Variants in SNTG2 observed in about 807,000 individuals in gnomAD.
SNTG2 encodes gamma-2-syntrophin.
SNTG2 carries 74 observed loss-of-function variants against 70.9 expected under a neutral mutation model. That is an observed-to-expected ratio of 1.04 (90% CI 0.86 to 1.27). The LOEUF is 1.27. Among genes scored for constraint, SNTG2 ranks in the 50% most tolerant of loss-of-function variants. The probability of loss-of-function intolerance (pLI) is 0.00; values close to 1 mark genes in which losing one functional copy is unlikely to be tolerated. For missense variants in SNTG2, 717 were observed against 690.7 expected, an observed-to-expected ratio of 1.04 and a Z score of -0.43; for synonymous variants, 278 against 273.8, an observed-to-expected ratio of 1.02 and a Z score of -0.15.
chr2:1,046,866 A>C (rs1349572276), intron 1 of SNTG2, among the ~76,000 whole-genome samples: 1 of 152,102 alleles, frequency 6.6e-6, no homozygotes, highest in Non-Finnish European at 1.5e-5. Context: ...AGTACCTCTC[A>C]GGGGTCCTCT....
At chr2:968,261 TG>T (rs947749392) in intron 1 of SNTG2, among the ~76,000 whole-genome samples, 5 of 152,210 alleles carry the variant, frequency 3.3e-5, no homozygotes, top group African/African-American at 1.2e-4. Context: ...TGAAATCCTT[TG>T]ATAAAAAGTT....
intron 1 of SNTG2, among the ~76,000 whole-genome samples, chr2:977,007 A>G (rs1231755973): frequency 3.3e-5 from 5 of 152,190 alleles, no homozygotes; most frequent in African/African-American, 1.2e-4. Context: ...TGGAGGTGGC[A>G]GCCCCACCTG....
chr2:1,054,602 C>T (rs1662275678), intron 1 of SNTG2, among the ~76,000 whole-genome samples: 1 of 152,152 alleles, frequency 6.6e-6, no homozygotes, highest in South Asian at 2.1e-4. Context: ...ACAGAGCCGC[C>T]TTGGTGATTC....
chr2:1,229,926 C>A (rs1676087967), intron 9 of SNTG2, among the ~76,000 whole-genome samples: 1 of 152,232 alleles, frequency 6.6e-6, no homozygotes, highest in African/African-American at 2.4e-5. Flanking sequence ...CCCGGAACTC[C>A]AGCTGGCCCG....
At chr2:1,159,776 A>T (rs563126702) in intron 6 of SNTG2, among the ~76,000 whole-genome samples, 2 of 152,322 alleles carry the variant, frequency 1.3e-5, no homozygotes, top group South Asian at 2.1e-4. Flanking sequence ...GTCAGAGAAA[A>T]TAATACTAAA....
chr2:1,262,817 A>G (rs1678513919), intron 13 of SNTG2: 1 of 151,168 alleles, frequency 6.6e-6, no homozygotes. Context: ...AGACGACGAA[A>G]CCCGAAGGCT....
At chr2:1,323,287 G>T (rs892826964) in intron 16 of SNTG2, among the ~76,000 whole-genome samples, 7 of 152,250 alleles carry the variant, frequency 4.6e-5, no homozygotes, top group African/African-American at 1.7e-4. Flanking sequence ...ATTGCAACAA[G>T]AAGTAGCAGA....
chr2:957,708 G>A (rs967388646), intron 1 of SNTG2, among the ~76,000 whole-genome samples: 1 of 151,960 alleles, frequency 6.6e-6, no homozygotes, highest in Non-Finnish European at 1.5e-5. Context: ...AGGCGAGACT[G>A]GTACTGAGAC....
chr2:1,266,478 G>T (rs187886173), intron 13 of SNTG2, among the ~76,000 whole-genome samples: 10 of 152,298 alleles, frequency 6.6e-5, no homozygotes, highest in Non-Finnish European at 8.8e-5. Context: ...ACCAGAAATG[G>T]AACAACATCA....
chr2:1,132,259 A>G (rs1668074553), intron 4 of SNTG2, among the ~76,000 whole-genome samples: 1 of 151,874 alleles, frequency 6.6e-6, no homozygotes, highest in East Asian at 1.9e-4. Context: ...ACACACACAC[A>G]CACATACATA....
intron 2 of SNTG2, among the ~76,000 whole-genome samples, chr2:1,084,359 G>C (rs1247274779): frequency 1.3e-5 from 2 of 152,150 alleles, no homozygotes; most frequent in African/African-American, 4.8e-5. Context: ...AGATCCCACC[G>C]TAAACCGTTC....
intron 14 of SNTG2, among the ~76,000 whole-genome samples, chr2:1,279,554 T>G (rs1352375981): frequency 6.6e-6 from 1 of 152,254 alleles, no homozygotes; most frequent in Admixed American, 6.5e-5. Flanking sequence ...TTGGTCTTTC[T>G]GAAGGCTATT....
chr2:1,009,977 G>A (rs549806798), intron 1 of SNTG2, among the ~76,000 whole-genome samples: 45 of 152,284 alleles, frequency 3.0e-4, no homozygotes, highest in Admixed American at 6.5e-4. Context: ...TTAAGTCACC[G>A]TTTGGGGGAA....
At chr2:1,090,714 C>T (rs919642719) in intron 2 of SNTG2, among the ~76,000 whole-genome samples, 4 of 152,220 alleles carry the variant, frequency 2.6e-5, no homozygotes, top group South Asian at 4.2e-4. Context: ...TGTACAGGGC[C>T]GGCCAGCATT....
At chr2:1,184,509 A>C (rs1672126301) in intron 8 of SNTG2, among the ~76,000 whole-genome samples, 1 of 152,206 alleles carries the variant, frequency 6.6e-6, no homozygotes, top group African/African-American at 2.4e-5. Context: ...TAATTGGCTC[A>C]TATTTCCATA....
intron 1 of SNTG2, among the ~76,000 whole-genome samples, chr2:959,563 G>A (rs1239365895): frequency 6.6e-6 from 1 of 151,890 alleles, no homozygotes; most frequent in Non-Finnish European, 1.5e-5. Flanking sequence ...GGGGCTGCCT[G>A]GGGGTGTGGT....
intron 16 of SNTG2, among the ~76,000 whole-genome samples, chr2:1,320,401 G>A (rs559793817): frequency 4.6e-5 from 7 of 151,696 alleles, no homozygotes; most frequent in Admixed American, 2.0e-4. Flanking sequence ...GCCTGGTTGC[G>A]GGCACCTGTA....
At chr2:1,105,592 C>A (rs947363497) in intron 4 of SNTG2, among the ~76,000 whole-genome samples, 1 of 152,176 alleles carries the variant, frequency 6.6e-6, no homozygotes, top group East Asian at 1.9e-4. Context: ...GGATTTGACA[C>A]CGTTCTATAC....
chr2:982,288 A>G (rs1323018312), intron 1 of SNTG2, among the ~76,000 whole-genome samples: 3 of 152,146 alleles, frequency 2.0e-5, no homozygotes, highest in African/African-American at 7.2e-5. Flanking sequence ...ATATAAAGTA[A>G]GCCTTACAGT....
Sources: allele counts gnomAD v4.1 joint callset (sites outside exome capture counted in the v4.1 genomes callset), GRCh38; gene constraint gnomAD v4.1.1; transcripts MANE v1.5; gene names NCBI Gene and HGNC (gene_info 2026-07-23, HGNC 2026-07-21).